Variants in RBFOX1 observed in about 807,000 individuals in gnomAD.
RBFOX1 encodes the protein RNA binding fox-1 homolog 1.
A neutral mutation model predicts 57.7 loss-of-function variants in RBFOX1; 8 were observed. The ratio of observed to expected loss-of-function variants is 0.14; its 90% CI spans 0.08 to 0.25. The LOEUF is 0.25. RBFOX1 is among the 10% of genes least tolerant of loss of function. The pLI is 1.00. For synonymous variants in RBFOX1, 326 were observed against 222.4 expected, an observed-to-expected ratio of 1.47 and a Z score of -4.15; for missense variants, 611 against 548.5, an observed-to-expected ratio of 1.11 and a Z score of -1.14.
intron 3 of RBFOX1, among the ~76,000 whole-genome samples, chr16:7,005,028 C>G (rs980975763): frequency 6.6e-6 from 1 of 152,172 alleles, no homozygotes; most frequent in Non-Finnish European, 1.5e-5. Flanking sequence ...CCTGTTATCC[C>G]AGCTACTTGG....
At chr16:6,143,175 T>C (rs2096731993) in intron 1 of RBFOX1, among the ~76,000 whole-genome samples, 1 of 152,238 alleles carries the variant, frequency 6.6e-6, no homozygotes, top group South Asian at 2.1e-4. Flanking sequence ...TGTTTACAAA[T>C]GCTCTTCAGG....
intron 2 of RBFOX1, among the ~76,000 whole-genome samples, chr16:6,397,853 C>T (rs928366834): frequency 1.3e-5 from 2 of 151,804 alleles, no homozygotes; most frequent in African/African-American, 4.8e-5. Context: ...CTGAGAGCAA[C>T]TACTAAAAAT....
chr16:7,665,904 A>C (rs1251148553), intron 13 of RBFOX1, among the ~76,000 whole-genome samples: 1 of 152,206 alleles, frequency 6.6e-6, no homozygotes, highest in Non-Finnish European at 1.5e-5. Context: ...ATTTCAAATC[A>C]TTACAATTTT....
At chr16:7,531,795 G>A (rs1223124485) in intron 5 of RBFOX1, among the ~76,000 whole-genome samples, 3 of 152,072 alleles carry the variant, frequency 2.0e-5, no homozygotes, top group African/African-American at 4.8e-5. Flanking sequence ...TTTCAATTAT[G>A]ATAATATCAT....
At chr16:6,997,442 C>T (rs1394735548) in intron 3 of RBFOX1, among the ~76,000 whole-genome samples, 2 of 152,106 alleles carry the variant, frequency 1.3e-5, no homozygotes, top group Non-Finnish European at 2.9e-5. Flanking sequence ...CATTTATATC[C>T]ACGAGCATTG....
At chr16:7,689,814 A>G (rs1342176371) in intron 14 of RBFOX1, among the ~76,000 whole-genome samples, 1 of 152,118 alleles carries the variant, frequency 6.6e-6, no homozygotes, top group Non-Finnish European at 1.5e-5. Flanking sequence ...TACCAAGAGT[A>G]TGATATGGCC....
At chr16:7,072,078 G>A (rs1460186493) in intron 4 of RBFOX1, among the ~76,000 whole-genome samples, 4 of 152,096 alleles carry the variant, frequency 2.6e-5, no homozygotes, top group Admixed American at 6.5e-5. Flanking sequence ...TTTCTGACCC[G>A]TTCTCTAGTC....
intron 3 of RBFOX1, among the ~76,000 whole-genome samples, chr16:7,028,485 G>A (rs1057125047): frequency 6.6e-6 from 1 of 151,616 alleles, no homozygotes; most frequent in South Asian, 2.1e-4. Context: ...TCCTTGGGAG[G>A]CTGAGGCAGG....
chr16:6,133,085 G>T (rs112392545), intron 1 of RBFOX1, among the ~76,000 whole-genome samples: 1 of 149,064 alleles, frequency 6.7e-6, no homozygotes, highest in African/African-American at 2.5e-5. Context: ...CAAGTTATTC[G>T]TCTCCATGTC....
chr16:6,423,470 A>G (rs1171110143), intron 2 of RBFOX1, among the ~76,000 whole-genome samples: 3 of 152,074 alleles, frequency 2.0e-5, no homozygotes, highest in African/African-American at 7.2e-5. Flanking sequence ...TTGATGGTGC[A>G]TGTCTGTAAT....
chr16:6,980,383 T>C (rs1005122051), intron 3 of RBFOX1, among the ~76,000 whole-genome samples: 18 of 152,194 alleles, frequency 1.2e-4, no homozygotes, highest in African/African-American at 4.3e-4. Context: ...TCTAATCTTA[T>C]CTTTTTCCTT....
In RBFOX1 at chr16:6,118,544, C is replaced by G. The variant is rs530862303; in HGVS notation, c.-127+98552C>G. 1.7e-3 allele frequency among the ~76,000 whole-genome samples: 256 copies of G among 152,092 alleles called. 1 individual carries two copies. The highest frequency in any genetic ancestry group is 2.8e-3 in the Non-Finnish European group (187 of 67,980). ...CTGCTGCTGCCGCCGCCTCCGCCTC[C>G]TCCTTGTTCTCTTCCTTTCTCTTTC... On this transcript the variant is annotated intron_variant, in intron 1 of 15. Transcript: ENST00000550418.
intron 1 of RBFOX1, among the ~76,000 whole-genome samples, chr16:5,259,427 A>G (rs2062674177): frequency 6.6e-6 from 1 of 152,148 alleles, no homozygotes. Flanking sequence ...CTTTGGTGCT[A>G]TTCTGCTGAA....
intron 3 of RBFOX1, among the ~76,000 whole-genome samples, chr16:6,819,986 C>A (rs1239175104): frequency 3.9e-5 from 6 of 152,148 alleles, no homozygotes; most frequent in Non-Finnish European, 7.3e-5. Flanking sequence ...CCACCCAAAT[C>A]ACATCTTGAA....
chr16:7,544,413 C>G lies in RBFOX1; in HGVS notation c.270+26024C>G, dbSNP rs2083838658. Among the ~76,000 whole-genome samples, 6 of 152,254 alleles carry G rather than the reference C, an allele frequency of 3.9e-5. No homozygotes were observed. In the South Asian group the frequency reaches 1.2e-3, roughly 32 times the overall value. On this transcript the variant is annotated intron_variant, in intron 5 of 15. Coordinates refer to ENST00000550418, the MANE Select transcript of RBFOX1 (RefSeq NM_018723.4). The stretch of plus-strand genomic sequence containing the variant: ...AGGAGATCTCATTTGAAAGTAGAGC[C>G]TTTGTAGATATAATTAAATTAGATG...
chr16:6,257,410 T>G (rs1040785358), intron 1 of RBFOX1, among the ~76,000 whole-genome samples: 1 of 152,128 alleles, frequency 6.6e-6, no homozygotes, highest in African/African-American at 2.4e-5. Flanking sequence ...TGATGTTGAA[T>G]TTCTTCTTCT....
At chr16:6,275,639 G>A (rs185258297) in intron 1 of RBFOX1, among the ~76,000 whole-genome samples, 505 of 152,258 alleles carry the variant, frequency 3.3e-3, no homozygotes, top group South Asian at 5.8e-3. Context: ...ATTGTGTACT[G>A]ATGATAGTAC....
intron 3 of RBFOX1, among the ~76,000 whole-genome samples, chr16:6,869,777 G>C (rs922883231): frequency 2.0e-5 from 3 of 152,188 alleles, no homozygotes; most frequent in Non-Finnish European, 4.4e-5. Flanking sequence ...GCATCAGCTT[G>C]ATGTGGAATT....
chr16:6,703,649 G>C (rs1188735663), intron 3 of RBFOX1, among the ~76,000 whole-genome samples: 1 of 152,130 alleles, frequency 6.6e-6, no homozygotes, highest in East Asian at 1.9e-4. Context: ...TGAGGCTGCA[G>C]TGAGCCATAG....
Sources: gnomAD v4.1 joint callset for allele counts (sites outside exome capture counted in the v4.1 genomes callset) on GRCh38, gnomAD v4.1.1 for gene constraint, MANE v1.5 for transcripts, NCBI Gene and HGNC (gene_info 2026-07-23, HGNC 2026-07-21) for gene names.